The following VARS1 variants were observed in gnomAD, a reference collection of about 807,000 sequenced individuals.
VARS1 encodes the protein valyl-tRNA synthetase 1.
VARS1 carries 92 observed loss-of-function variants against 161.0 expected under a neutral mutation model. The observed-to-expected ratio is 0.57, with a 90% CI of 0.48 to 0.68. VARS1 has a LOEUF of 0.68. Ranked by LOEUF, VARS1 falls within the 30% of genes least tolerant of loss-of-function variation. The pLI is 0.00. For missense variants in VARS1, 1,338 were observed against 1,695.9 expected (o/e 0.79, Z 3.71); for synonymous variants, 595 against 682.5 (o/e 0.87, Z 2.00).
Position 31,782,956 on chromosome 6 carries a change from G to T in VARS1, c.1763-111C>A. The T allele has an allele frequency of 6.6e-7, 1 of 1,523,836 alleles. No individual in the cohort carries two copies. The highest frequency in any genetic ancestry group is 2.1e-5 in the Admixed American group (1 of 48,502). The allele number at this position is 1,523,836 out of a possible 1,614,324, so 94.4% of individuals were successfully genotyped here. On this transcript the variant is annotated intron_variant, in intron 14 of 29. Transcript: ENST00000375663. This position sits in a 1 kb window ranked among gnomAD's most constrained non-coding sequence, Gnocchi z 8.3. ...CCGAGACCACTCCTGGCCCCCACTT[G>T]TCTAATACAGTCCCTTGAGAACCAC...
rs1181862106 is a variant in VARS1, at chr6:31,784,513, G to T, written c.1468-11C>A. ...CTCCTTCTTATCCACCTGTAAAATG[G>T]GTATTTAGAGGCGTGGCCCAGGGGC... On this transcript the variant is annotated splice_polypyrimidine_tract_variant and intron_variant, in intron 11 of 29. Coordinates refer to ENST00000375663, the MANE Select transcript of VARS1 (RefSeq NM_006295.3). This position sits in a 1 kb window ranked among gnomAD's most constrained non-coding sequence, Gnocchi z 6.1. 2 of 1,613,830 alleles carry T rather than the reference G, an allele frequency of 1.2e-6. No homozygotes were observed. Among genetic ancestry groups the T allele is most frequent in the Non-Finnish European group, 1.7e-6 (2 of 1,180,054 alleles).
chr6:31,779,357 G>A lies in VARS1; in HGVS notation c.3401-65C>T, dbSNP rs1812969711. 2.7e-5 allele frequency: 44 copies of A among 1,602,272 alleles called. No individual in the cohort carries two copies. Among genetic ancestry groups the A allele is most frequent in the East Asian group, 6.7e-5 (3 of 44,838 alleles). On this transcript the variant is annotated intron_variant, in intron 28 of 29. Transcript: ENST00000375663. The surrounding 1 kb of genome is among the most constrained non-coding windows in gnomAD (Gnocchi z 9.1). The stretch of plus-strand genomic sequence containing the variant: ...GACAGGAAACCAAGCAGTCACTGCC[G>A]GACACTGGGTCCCAGAGTAGGCTGA...
rs1813848145 is a variant in VARS1, at chr6:31,791,272, G to A, written c.1100+338C>T. On this transcript the variant is annotated intron_variant, in intron 8 of 29. Coordinates refer to ENST00000375663, the MANE Select transcript of VARS1 (RefSeq NM_006295.3). The surrounding 1 kb of genome is among the most constrained non-coding windows in gnomAD (Gnocchi z 5.0). ...CACACCTATAATCCCAGCACTCTGG[G>A]AGTCTGAGACAGGAGAATCACTTGA... Among the ~76,000 whole-genome samples, 1 of 152,154 alleles carries A rather than the reference G, an allele frequency of 6.6e-6. No individual in the cohort carries two copies. Among genetic ancestry groups the A allele is most frequent in the Non-Finnish European group, 1.5e-5 (1 of 68,036 alleles).
chr6:31,780,578 G>A lies in VARS1; in HGVS notation c.2798-10C>T. The A allele has an allele frequency of 2.5e-6, 4 of 1,613,066 alleles. No individual in the cohort carries two copies. The highest frequency in any genetic ancestry group is 3.4e-6 in the Non-Finnish European group (4 of 1,179,428). On this transcript the variant is annotated splice_polypyrimidine_tract_variant and intron_variant, in intron 24 of 29. Transcript: ENST00000375663. This position sits in a 1 kb window ranked among gnomAD's most constrained non-coding sequence, Gnocchi z 5.1. The stretch of plus-strand genomic sequence containing the variant: ...AGGTTGATGTCACGACCTGGGTCGG[G>A]GGTGAGATGTGAGTCCTCATCACCC...
chr6:31,778,093 G>C lies in VARS1; in HGVS notation c.3727-431C>G, dbSNP rs1317585329. 1 of 201,908 alleles carries C rather than the reference G, an allele frequency of 5.0e-6. No homozygotes were observed. The highest frequency in any genetic ancestry group is 1.0e-5 in the Non-Finnish European group (1 of 97,972). 12.5% of individuals were successfully genotyped at this position (201,908 alleles called of 1,614,324 possible). On this transcript the variant is annotated intron_variant, in intron 29 of 29. Transcript: ENST00000375663. The surrounding 1 kb of genome is among the most constrained non-coding windows in gnomAD (Gnocchi z 5.1). The stretch of plus-strand genomic sequence containing the variant: ...TTGGCCTCCATGACTGGTTTTCTCT[G>C]TGTCTGTGCAGTTTACTCCACTGCT...
At position 31,779,479 on chromosome 6, in the gene VARS1, G is replaced by T. The variant is rs1226600950; in HGVS notation, c.3346C>A (p.Arg1116=). Residue 1116 remains arginine, a synonymous_variant, in exon 28 of 30, where the codon CGA becomes AGA. Coordinates refer to ENST00000375663, the MANE Select transcript of VARS1 (RefSeq NM_006295.3). The surrounding 1 kb of genome is among the most constrained non-coding windows in gnomAD (Gnocchi z 9.1). ...TCGGCCCGCAGGGAGCGCACGGCTCGCGTGATGCTTAGCGCCAGCTCAAGG... is the reference window on the plus strand; with the variant it reads ...TCGGCCCGCAGGGAGCGCACGGCTCTCGTGATGCTTAGCGCCAGCTCAAGG... ...AALELALSIT[R]AVRSLRADYN... 31 of 1,612,686 alleles carry T rather than the reference G, an allele frequency of 1.9e-5. No individual in the cohort carries two copies. Among genetic ancestry groups the T allele is most frequent in the Non-Finnish European group, 2.6e-5 (31 of 1,180,000 alleles).
chr6:31,793,326 A>C (rs1814022191), intron 2 of VARS1, among the ~76,000 whole-genome samples: 1 of 151,888 alleles, frequency 6.6e-6, no homozygotes, highest in African/African-American at 2.4e-5. Flanking sequence ...ACATGGTGAA[A>C]CCTCATCTCT....
At chr6:31,786,516 A>G (rs1813516930) in intron 8 of VARS1, among the ~76,000 whole-genome samples, 2 of 151,706 alleles carry the variant, frequency 1.3e-5, no homozygotes, top group Non-Finnish European at 2.9e-5. Context: ...AAAATATAAA[A>G]ATTAGCCAGG....
In VARS1 at chr6:31,791,541, G is replaced by T. The variant is rs1489747922; in HGVS notation, c.1100+69C>A. On this transcript the variant is annotated intron_variant, in intron 8 of 29. Coordinates refer to ENST00000375663, the MANE Select transcript of VARS1 (RefSeq NM_006295.3). The surrounding 1 kb of genome is among the most constrained non-coding windows in gnomAD (Gnocchi z 5.0). Reference sequence around the variant, plus strand: ...ACCCAGAAGGAGAGAGGCTCGGGGGGCTGTCAGGGAAAAGGAGAGAGCCAG... The same window carrying T: ...ACCCAGAAGGAGAGAGGCTCGGGGGTCTGTCAGGGAAAAGGAGAGAGCCAG... 2.0e-6 allele frequency: 3 copies of T among 1,534,590 alleles called. No individual in the cohort carries two copies. Among genetic ancestry groups the T allele is most frequent in the Non-Finnish European group, 2.6e-6 (3 of 1,141,534 alleles).
At chr6:31,790,859 A>G (rs1394931600) in intron 8 of VARS1, among the ~76,000 whole-genome samples, 1 of 152,198 alleles carries the variant, frequency 6.6e-6, no homozygotes, top group African/African-American at 2.4e-5. Flanking sequence ...GGGTACGTGT[A>G]TATGTAAGTA....
chr6:31,778,375 C>A lies in VARS1; in HGVS notation c.3726+592G>T, dbSNP rs1053332332. On this transcript the variant is annotated intron_variant, in intron 29 of 29. Transcript: ENST00000375663. The surrounding 1 kb of genome is among the most constrained non-coding windows in gnomAD (Gnocchi z 5.1). ...TTGTGTGACCCTGGGTTGTGCCCAG[C>A]CCCCAGCTGCTCCCCATGTGTAAGG... 5.3e-5 allele frequency among the ~76,000 whole-genome samples: 8 copies of A among 152,206 alleles called. No homozygotes were observed. Among genetic ancestry groups the A allele is most frequent in the African/African-American group, 1.7e-4 (7 of 41,450 alleles).
chr6:31,793,927 A>AC (rs1481248614), intron 2 of VARS1, among the ~76,000 whole-genome samples: 1 of 151,634 alleles, frequency 6.6e-6, no homozygotes, highest in African/African-American at 2.4e-5. Flanking sequence ...ACATGACAAA[A>AC]CCCCATCTCT....
chr6:31,782,016 C>G lies in VARS1; in HGVS notation c.2242-64G>C. 1 of 1,612,550 alleles carries G rather than the reference C, an allele frequency of 6.2e-7. No individual in the cohort carries two copies. ...GCTTCTGGCTCACCCTGCCCCTCCC[C>G]CCACCAAGGACCCAGTAAACCCACC... On this transcript the variant is annotated intron_variant, in intron 18 of 29. Coordinates refer to ENST00000375663, the MANE Select transcript of VARS1 (RefSeq NM_006295.3). This position sits in a 1 kb window ranked among gnomAD's most constrained non-coding sequence, Gnocchi z 8.3.
rs184777813 is a variant in VARS1, at chr6:31,794,630, T to C, written c.387+201A>G. On this transcript the variant is annotated intron_variant, in intron 2 of 29. Transcript: ENST00000375663. ...GAGGCAAGCATTACATCAACTTGCC[T>C]GCGTGTTCATAGACATAGGAAGACC... Among the ~76,000 whole-genome samples, 19 of 152,332 alleles carry C rather than the reference T, an allele frequency of 1.2e-4. 1 individual carries two copies. The East Asian group carries it at 2.9e-3, about 23-fold the overall frequency.
chr6:31,783,142 G>T lies in VARS1; in HGVS notation c.1716C>A (p.Ser572Arg), dbSNP rs56192709. 12 of 1,612,842 alleles carry T rather than the reference G, an allele frequency of 7.4e-6. No individual in the cohort carries two copies. The highest frequency in any genetic ancestry group is 9.3e-6 in the Non-Finnish European group (11 of 1,179,974). ...KNVIHPFLSR[S>R]LPIVFDEFVD... ...CAAATTCATCGAAGACAATGGGAAG[G>T]CTCCGAGACAGGAATGGGTGGATCA... Residue 572 changes from serine to arginine, a missense_variant, in exon 14 of 30, where the codon AGC (serine) becomes AGA (arginine). By Grantham distance (110) the Ser-to-Arg change is moderately radical (BLOSUM62 -1). Transcript: ENST00000375663.
chr6:31,779,178 G>T lies in VARS1; in HGVS notation c.3515C>A (p.Ala1172Asp), dbSNP rs1379733368. The change falls in exon 29 of 30, where the codon GCC (alanine) becomes GAC (aspartate). Residue 1172 changes from alanine to aspartate, a missense_variant. By Grantham distance (126) the Ala-to-Asp change is moderately radical. This residue lies in a region of VARS1 where 433 missense variants were observed against 586.2 expected (regional missense o/e 0.74). Transcript: ENST00000375663. The surrounding 1 kb of genome is among the most constrained non-coding windows in gnomAD (Gnocchi z 9.1). Reference sequence around the variant, plus strand: ...CAGAGCCACAGCGCAACCCTGGGGGGCGGGAGCCCCCAGGGCCAGAACAGC... The same window carrying T: ...CAGAGCCACAGCGCAACCCTGGGGGTCGGGAGCCCCCAGGGCCAGAACAGC... ...VVAVLALGAP[A>D]PQGCAVALAS... The T allele has an allele frequency of 6.2e-7, 1 of 1,605,032 alleles. No homozygotes were observed.
Position 31,780,255 on chromosome 6 carries a change from C to A in VARS1, c.2926-102G>T. 6.5e-7 allele frequency: 1 copy of A among 1,547,190 alleles called. No individual in the cohort carries two copies. On this transcript the variant is annotated intron_variant, in intron 25 of 29. Transcript: ENST00000375663. This position sits in a 1 kb window ranked among gnomAD's most constrained non-coding sequence, Gnocchi z 5.1. ...AATCTTCATCCAGAGTCTGATGAGT[C>A]CAAAGCAACCACCTATGTGCCAGGA...
chr6:31,792,919 T>C (rs1813985097), intron 3 of VARS1, 24 bp from the exon 4 acceptor site: 2 of 1,614,204 alleles, frequency 1.2e-6, no homozygotes, highest in East Asian at 4.5e-5. Flanking sequence ...TAAATGACTC[T>C]TCTCAGTCAC....
Position 31,794,480 on chromosome 6 carries a change from C to T in VARS1, c.387+351G>A, listed in dbSNP as rs144882047. 9.1e-3 allele frequency among the ~76,000 whole-genome samples: 1,387 copies of T among 152,252 alleles called. 9 individuals are homozygous for T. The highest frequency in any genetic ancestry group is 0.021 in the African/African-American group (869 of 41,526). On this transcript the variant is annotated intron_variant, in intron 2 of 29. Coordinates refer to ENST00000375663, the MANE Select transcript of VARS1 (RefSeq NM_006295.3). The stretch of plus-strand genomic sequence containing the variant: ...CATCTCTCCCTCACCCAGTCTTTTC[C>T]TACAATTCAAATAACTTCTATCCTC...
Sources: gnomAD v4.1 joint callset for allele counts (sites outside exome capture counted in the v4.1 genomes callset) on GRCh38, gnomAD v4.1.1 for gene constraint, gnomAD v4.1.1 regional missense constraint, Gnocchi (gnomAD v3.1) non-coding constraint, MANE v1.5 for transcripts, NCBI Gene and HGNC (gene_info 2026-07-23, HGNC 2026-07-21) for gene names.